The following LETM1 variants were observed in gnomAD, a reference collection of about 807,000 sequenced individuals.
LETM1 encodes the protein mitochondrial proton/calcium exchanger protein.
In LETM1, 50 loss-of-function variants were observed where a neutral mutation model predicts 74.5. The ratio of observed to expected loss-of-function variants is 0.67; its 90% confidence interval spans 0.53 to 0.85. LETM1 has a LOEUF of 0.85. Among genes scored for constraint, LETM1 ranks in the 40% least tolerant of loss-of-function variants. LETM1 has a pLI of 0.00. For missense variants in LETM1, 824 were observed against 967.8 expected, an observed-to-expected ratio of 0.85 and a Z score of 1.97; for synonymous variants, 446 against 407.1, an observed-to-expected ratio of 1.10 and a Z score of -1.15.
chr4:1,828,140 A>G (rs1712077197), intron 6 of LETM1, among the ~76,000 whole-genome samples: 3 of 104,550 alleles, frequency 2.9e-5, no homozygotes, highest in African/African-American at 7.6e-5. Context: ...CTGGCCGGGC[A>G]GAGGGGCTCC....
chr4:1,825,667 C>T lies in LETM1; in HGVS notation c.1097G>A (p.Gly366Glu), dbSNP rs767005120. 6.2e-7 allele frequency: 1 copy of T among 1,613,584 alleles called. No individual in the cohort carries two copies. Among genetic ancestry groups the T allele is most frequent in the Admixed American group, 1.7e-5 (1 of 59,986 alleles). The change falls in exon 7 of 14, where the codon GGG becomes GAG. Residue 366 changes from glycine to glutamate, a missense_variant. By Grantham distance (98) the Gly-to-Glu change is moderately conservative. This residue lies in a region of LETM1 where 269 missense variants were observed against 348.8 expected (regional missense o/e 0.77). Transcript: ENST00000302787. ...CTCCTTGACATTCAGGCTGTCCACC[C>T]CTTCCTCAGCAATCAGCTAGAAAAC... ...KADDKLIAEE[G>E]VDSLNVKELQ...
intron 4 of LETM1, among the ~76,000 whole-genome samples, chr4:1,835,416 G>C (rs1339704654): frequency 6.6e-6 from 1 of 152,050 alleles, no homozygotes; most frequent in Admixed American, 6.5e-5. Context: ...TCTCCAGCCT[G>C]GGTGACAGAG....
chr4:1,850,371 G>C (rs1159278296), intron 1 of LETM1, among the ~76,000 whole-genome samples: 2 of 152,058 alleles, frequency 1.3e-5, no homozygotes, highest in Non-Finnish European at 2.9e-5. Flanking sequence ...AGCCAAGCAG[G>C]CCAGCCCTAG....
chr4:1,822,061 T>G, intron 10 of LETM1, 120 bp downstream of exon 10: 1 of 1,042,722 alleles, frequency 9.6e-7, no homozygotes, highest in Non-Finnish European at 1.3e-6. Flanking sequence ...TTGCACCATC[T>G]CCTCTCACTG....
chr4:1,832,291 A>T (rs146722983), intron 6 of LETM1, among the ~76,000 whole-genome samples: 251 of 152,148 alleles, frequency 1.6e-3, no homozygotes, highest in African/African-American at 5.8e-3. Flanking sequence ...AACAAGATCG[A>T]AACACCGTCT....
chr4:1,829,598 T>C (rs553859495), intron 6 of LETM1, among the ~76,000 whole-genome samples: 2 of 152,246 alleles, frequency 1.3e-5, no homozygotes, highest in African/African-American at 2.4e-5. Flanking sequence ...GAGAATCACT[T>C]GAGCCCAGGA....
chr4:1,827,703 C>T (rs551304030), intron 6 of LETM1, among the ~76,000 whole-genome samples: 128 of 144,964 alleles, frequency 8.8e-4, no homozygotes, highest in Middle Eastern at 7.0e-3. Flanking sequence ...TACACAGACA[C>T]GGCAACCATC....
intron 9 of LETM1, 105 bp downstream of exon 9, chr4:1,822,883 C>A: frequency 9.0e-7 from 1 of 1,113,122 alleles, no homozygotes; most frequent in Non-Finnish European, 1.1e-6. Context: ...CAGGACAGAG[C>A]TGCAGGGCAA....
Position 1,814,478 on chromosome 4 carries a change from C to G in LETM1, c.2166G>C (p.Glu722Asp). The change falls in exon 14 of 14, where the codon GAG becomes GAC. Residue 722 changes from glutamate to aspartate, a missense_variant. Transcript: ENST00000302787. ...ATLEKEEKVE[E>D]KEKAKEKAEK... ...CTGCCTTCTCTTTGGCCTTCTCCTT[C>G]TCCTCCACCTTCTCCTCTTTTTCCA... 6.2e-7 allele frequency: 1 copy of G among 1,614,166 alleles called. No individual in the cohort carries two copies. Among genetic ancestry groups the G allele is most frequent in the Non-Finnish European group, 8.5e-7 (1 of 1,179,968 alleles).
chr4:1,839,271 C>T (rs1257336365), intron 3 of LETM1: 4 of 152,090 alleles, frequency 2.6e-5, no homozygotes, highest in African/African-American at 4.8e-5. Context: ...GTCAGAAGCA[C>T]GGATCCCAAA....
intron 6 of LETM1, among the ~76,000 whole-genome samples, chr4:1,829,865 C>G (rs1353745413): frequency 6.6e-6 from 1 of 151,876 alleles, no homozygotes; most frequent in Non-Finnish European, 1.5e-5. Context: ...ATAAATGAAA[C>G]AACGACACAC....
In LETM1 at chr4:1,815,678, C is replaced by T. The variant is rs746007377; in HGVS notation, c.2056G>A (p.Asp686Asn). The T allele has an allele frequency of 1.1e-5, 18 of 1,614,178 alleles. No individual in the cohort carries two copies. The highest frequency in any genetic ancestry group is 8.9e-5 in the East Asian group (4 of 44,890). The stretch of plus-strand genomic sequence containing the variant: ...GCGAGGCCCACCTTGACGAGGTCGT[C>T]GATGTTGACCTTGCCATCCTTGTTT... Reference protein sequence around the residue: ...DENKDGKVNIDDLVKVIELVD... With the variant: ...DENKDGKVNINDLVKVIELVD... Residue 686 changes from aspartate to asparagine, a missense_variant, in exon 13 of 14, where the codon GAC (aspartate) becomes AAC (asparagine). By Grantham distance (23) the Asp-to-Asn change is conservative (BLOSUM62 1). Transcript: ENST00000302787.
In LETM1 at chr4:1,842,712, G is replaced by A. The variant is rs377260837; in HGVS notation, c.144-915C>T. ...GACCCATCTCGGTCCACGCTGCATC[G>A]GCCCCAGTTGCCGCCTGTGCCATAT... On this transcript the variant is annotated intron_variant, in intron 2 of 13. Coordinates refer to ENST00000302787, the MANE Select transcript of LETM1 (RefSeq NM_012318.3). Among the ~76,000 whole-genome samples the A allele has an allele frequency of 2.6e-5, 4 of 152,278 alleles. No individual in the cohort carries two copies. In the East Asian group the frequency reaches 5.8e-4, roughly 22 times the overall value.
At chr4:1,850,848 C>T (rs1713046346) in intron 1 of LETM1, among the ~76,000 whole-genome samples, 1 of 151,264 alleles carries the variant, frequency 6.6e-6, no homozygotes, top group South Asian at 2.1e-4. Flanking sequence ...TGCCTGTAAT[C>T]CCAGCTACTC....
At chr4:1,839,957 TTC>T (rs1712629821) in intron 3 of LETM1, among the ~76,000 whole-genome samples, 1 of 152,172 alleles carries the variant, frequency 6.6e-6, no homozygotes, top group South Asian at 2.1e-4. Context: ...ATTTAAGTGT[TTC>T]TCTAAGTTCT....
intron 6 of LETM1, among the ~76,000 whole-genome samples, chr4:1,827,885 C>T (rs1277996769): frequency 1.3e-5 from 2 of 148,720 alleles, no homozygotes; most frequent in Admixed American, 6.6e-5. Context: ...GCGCCCCCCC[C>T]ACCTCCCGGA....
rs1711960940 is a variant in LETM1, at chr4:1,825,620, G to A, written c.1144C>T (p.Arg382Ter). The A allele has an allele frequency of 2.5e-6, 4 of 1,614,006 alleles. No homozygotes were observed. Among genetic ancestry groups the A allele is most frequent in the South Asian group, 2.2e-5 (2 of 91,076 alleles). ...VKELQAACRA[R>*]GMRALGVTED... ...GTGACGCCCAGGGCCCGCATGCCTCGTGCCCGACACGCTGCCTGCAGCTCC... is the reference window on the plus strand; with the variant it reads ...GTGACGCCCAGGGCCCGCATGCCTCATGCCCGACACGCTGCCTGCAGCTCC... The change falls in exon 7 of 14, where the codon CGA (arginine) becomes TGA (stop). Residue 382 changes from arginine to a stop codon, truncating the protein, a stop_gained. Transcript: ENST00000302787. LOFTEE classifies it high-confidence loss of function.
chr4:1,814,185 C>G lies in LETM1; in HGVS notation c.*239G>C. The stretch of plus-strand genomic sequence containing the variant: ...CCAGCTGCCTCTGGAGCCAGGAGGC[C>G]GTGGCAGCCACACCACAGTGTGGAT... On this transcript the variant is annotated 3_prime_UTR_variant, in exon 14 of 14. Coordinates refer to ENST00000302787, the MANE Select transcript of LETM1 (RefSeq NM_012318.3). The G allele has an allele frequency of 1.6e-6, 1 of 621,340 alleles. No homozygotes were observed. The highest frequency in any genetic ancestry group is 3.0e-5 in the Admixed American group (1 of 32,954). The allele number at this position is 621,340 out of a possible 1,614,324, so 38.5% of individuals were successfully genotyped here.
At position 1,833,367 on chromosome 4, in the gene LETM1, G is replaced by C. The variant is rs532695923; in HGVS notation, c.877-420C>G. ...TGACTCCGGTGCTGGGCTAGCCTGG[G>C]GAAAGGTGGCGTCTGGCCTGTGGAC... On this transcript the variant is annotated intron_variant, in intron 5 of 13. Coordinates refer to ENST00000302787, the MANE Select transcript of LETM1 (RefSeq NM_012318.3). 258 of 238,140 alleles carry C rather than the reference G, an allele frequency of 1.1e-3. 1 individual carries two copies. The highest frequency in any genetic ancestry group is 1.7e-3 in the Non-Finnish European group (199 of 119,740). The allele number at this position is 238,140 out of a possible 1,614,324, so 14.8% of individuals were successfully genotyped here.
Sources: gnomAD v4.1 joint callset for allele counts (sites outside exome capture counted in the v4.1 genomes callset) on GRCh38, gnomAD v4.1.1 for gene constraint, gnomAD v4.1.1 regional missense constraint, MANE v1.5 for transcripts, NCBI Gene and HGNC (gene_info 2026-07-23, HGNC 2026-07-21) for gene names.